TRDN: variants seen among roughly 807,000 people sequenced by gnomAD.
TRDN encodes triadin.
Under a neutral mutation model 149.7 loss-of-function variants are expected in TRDN, and 161 were observed. The ratio of observed to expected loss-of-function variants is 1.08; its 90% CI spans 0.95 to 1.23. TRDN has a LOEUF of 1.23. Ranked by LOEUF, TRDN falls within the 50% of genes most tolerant of loss-of-function variation. The pLI, the probability that TRDN is intolerant of heterozygous loss-of-function variation, is 0.00. For missense variants in TRDN, 896 were observed against 823.5 expected (o/e 1.09, Z -1.08); for synonymous variants, 294 against 250.5 (o/e 1.17, Z -1.64).
chr6:123,635,561 C>T (rs558022070), intron 1 of TRDN, among the ~76,000 whole-genome samples: 5 of 151,862 alleles, frequency 3.3e-5, no homozygotes, highest in African/African-American at 1.2e-4. Flanking sequence ...GTTATTAATA[C>T]GAGGTGTCAG....
chr6:123,404,241 T>C (rs889750619), intron 12 of TRDN, among the ~76,000 whole-genome samples: 5 of 152,232 alleles, frequency 3.3e-5, no homozygotes, highest in Non-Finnish European at 7.3e-5. Context: ...AGATGCCACA[T>C]ACTTGATGTC....
At chr6:123,602,060 G>A (rs1784304895) in intron 1 of TRDN, among the ~76,000 whole-genome samples, 1 of 152,052 alleles carries the variant, frequency 6.6e-6, no homozygotes, top group African/African-American at 2.4e-5. Flanking sequence ...CTATATGTCA[G>A]GCACCATTCT....
intron 1 of TRDN, among the ~76,000 whole-genome samples, chr6:123,634,533 A>G (rs1786189978): frequency 6.6e-6 from 1 of 152,012 alleles, no homozygotes; most frequent in South Asian, 2.1e-4. Context: ...AGCCTGTACC[A>G]AGGCACTGTA....
At chr6:123,330,981 T>C (rs758603470) in intron 23 of TRDN, among the ~76,000 whole-genome samples, 3 of 152,048 alleles carry the variant, frequency 2.0e-5, no homozygotes, top group African/African-American at 7.2e-5. Context: ...CTAAGTGTGG[T>C]CAATATTTTA....
chr6:123,489,789 A>C (rs1778132448), intron 9 of TRDN, among the ~76,000 whole-genome samples: 1 of 152,158 alleles, frequency 6.6e-6, no homozygotes, highest in Non-Finnish European at 1.5e-5. Context: ...AAAATATATC[A>C]TTATTGCCCC....
intron 19 of TRDN, among the ~76,000 whole-genome samples, chr6:123,369,477 C>T (rs1222610653): frequency 2.0e-5 from 3 of 152,058 alleles, no homozygotes; most frequent in African/African-American, 2.4e-5. Context: ...AAGGAAGACC[C>T]CCACCCTGCA....
At chr6:123,479,619 A>G (rs1374235599) in intron 9 of TRDN, among the ~76,000 whole-genome samples, 1 of 152,194 alleles carries the variant, frequency 6.6e-6, no homozygotes, top group Admixed American at 6.5e-5. Context: ...ACTTACAACT[A>G]GGACCCAAGT....
intron 5 of TRDN, chr6:123,529,205 T>C (rs1347641381): frequency 1.3e-6 from 2 of 1,548,006 alleles, no homozygotes; most frequent in Non-Finnish European, 1.7e-6. Context: ...CCAGTTGAGT[T>C]TCTGTTTAAC....
intron 24 of TRDN, among the ~76,000 whole-genome samples, chr6:123,286,271 C>T (rs536793950): frequency 2.6e-5 from 4 of 152,136 alleles, no homozygotes; most frequent in Non-Finnish European, 4.4e-5. Flanking sequence ...ATGGAATCAC[C>T]CCAAATGCTC....
chr6:123,507,664 GA>G lies in TRDN; in HGVS notation c.611-3764del, dbSNP rs1442266575. 7.2e-5 allele frequency among the ~76,000 whole-genome samples: 11 copies of G among 152,020 alleles called. No individual in the cohort carries two copies. The South Asian group carries it at 2.1e-3, about 29-fold the overall frequency. On this transcript the variant is annotated intron_variant, in intron 7 of 40. Coordinates refer to ENST00000334268, the MANE Select transcript of TRDN (RefSeq NM_006073.4). ...TAAGTGACGAAATTTATTAAGGAAT[GA>G]AAAAAACAAAAAGTATTGCCATGGG... is the stretch of plus-strand genomic sequence containing the variant.
At chr6:123,222,724 T>G (rs1380248806) in intron 39 of TRDN, among the ~76,000 whole-genome samples, 4 of 151,726 alleles carry the variant, frequency 2.6e-5, no homozygotes, top group Non-Finnish European at 4.4e-5. Flanking sequence ...AAAATACTTT[T>G]TTTTTATATG....
intron 1 of TRDN, among the ~76,000 whole-genome samples, chr6:123,592,318 A>G (rs1407401081): frequency 6.6e-6 from 1 of 152,234 alleles, no homozygotes; most frequent in Non-Finnish European, 1.5e-5. Flanking sequence ...CAGTCATTTT[A>G]TTAAGCATTC....
At chr6:123,438,776 C>G (rs1196225976) in intron 11 of TRDN, among the ~76,000 whole-genome samples, 168 bp downstream of exon 11, 1 of 151,890 alleles carries the variant, frequency 6.6e-6, no homozygotes, top group Admixed American at 6.6e-5. Flanking sequence ...TAAAAATTGA[C>G]AATTTTAATT....
chr6:123,272,942 A>G (rs1326643598), intron 29 of TRDN, 22 bp downstream of exon 29: 10 of 1,501,608 alleles, frequency 6.7e-6, no homozygotes, highest in African/African-American at 1.4e-5. Flanking sequence ...ATTTGAGACT[A>G]CAAATACCAC....
chr6:123,610,403 G>A (rs1409575333), intron 1 of TRDN, among the ~76,000 whole-genome samples: 1 of 152,072 alleles, frequency 6.6e-6, no homozygotes, highest in East Asian at 1.9e-4. Flanking sequence ...TTGAGTTACT[G>A]ATGACTCTCA....
chr6:123,342,098 CT>C (rs537218038), intron 21 of TRDN, among the ~76,000 whole-genome samples: 21 of 151,980 alleles, frequency 1.4e-4, no homozygotes, highest in African/African-American at 5.1e-4. Flanking sequence ...TATATACACA[CT>C]TTGATATTCT....
At chr6:123,505,108 G>A (rs1364440944) in intron 7 of TRDN, among the ~76,000 whole-genome samples, 1 of 151,934 alleles carries the variant, frequency 6.6e-6, no homozygotes, top group African/African-American at 2.4e-5. Context: ...GCTGGGCGTG[G>A]TGGTGCATGC....
intron 6 of TRDN, among the ~76,000 whole-genome samples, chr6:123,514,285 G>A (rs963142186): frequency 1.3e-5 from 2 of 152,056 alleles, no homozygotes; most frequent in African/African-American, 2.4e-5. Flanking sequence ...AACCCCAGAG[G>A]CAGAGGTTGC....
At chr6:123,350,629 ATATC>A (rs935542237) in intron 21 of TRDN, 14 of 760,434 alleles carry the variant, frequency 1.8e-5, no homozygotes, top group Non-Finnish European at 1.9e-5. Context: ...AAAGCACAAA[ATATC>A]TATTTTTTGT....
Sources: allele counts gnomAD v4.1 joint callset (sites outside exome capture counted in the v4.1 genomes callset), GRCh38; gene constraint gnomAD v4.1.1; transcripts MANE v1.5; gene names NCBI Gene and HGNC (gene_info 2026-07-23, HGNC 2026-07-21).